The following PSCA variants were observed in gnomAD, a reference collection of about 807,000 sequenced individuals.
The protein encoded by PSCA is prostate stem cell antigen.
Under a neutral mutation model 7.9 loss-of-function variants are expected in PSCA, and 7 were observed. The observed-to-expected ratio is 0.89, with a 90% CI of 0.51 to 1.67. PSCA has a LOEUF of 1.67. PSCA is among the 40% of genes most tolerant of loss of function. PSCA has a pLI of 0.00. For missense variants in PSCA, 151 were observed against 147.9 expected (o/e 1.02, Z -0.11); for synonymous variants, 61 against 68.3 (o/e 0.89, Z 0.53).
upstream of PSCA, among the ~76,000 whole-genome samples, chr8:142,675,640 CACAG>C (rs1437824337): frequency 3.3e-5 from 5 of 152,242 alleles, no homozygotes; most frequent in African/African-American, 1.2e-4. Flanking sequence ...GATCCACATG[CACAG>C]ACAAGCATCC....
In PSCA at chr8:142,674,265, C is replaced by A. The variant is rs975633245; in HGVS notation, n.261+3697C>A. On this transcript the variant is annotated intron_variant and non_coding_transcript_variant, in intron 1 of 1. Coordinates refer to the PSCA transcript ENST00000505305. ...GTCTAACCTCAGCAGAGCTCAGATC[C>A]CCCATCTTCCTAATGAATAACGGCT... Among the ~76,000 whole-genome samples, 525 of 147,622 alleles carry A rather than the reference C, an allele frequency of 3.6e-3. 6 individuals are homozygous for A. The highest frequency in any genetic ancestry group is 0.013 in the African/African-American group (496 of 38,942).
At chr8:142,674,891 CTG>C (rs1554637696) in intron 1 of PSCA, among the ~76,000 whole-genome samples, 3 of 152,258 alleles carry the variant, frequency 2.0e-5, no homozygotes, top group Non-Finnish European at 4.4e-5. Flanking sequence ...CCTGTGCACT[CTG>C]AATACAGCTC....
rs1554638287 is a variant in PSCA, at chr8:142,681,344, T to C, written c.43T>C (p.Tyr15His). The change falls in exon 2 of 3, where the codon TAC becomes CAC. Residue 15 changes from tyrosine to histidine, a missense_variant. Physicochemically the swap from Tyr to His is moderately conservative, Grantham distance 83. Coordinates refer to ENST00000301258, the MANE Select transcript of PSCA (RefSeq NM_005672.5). ...ALQPGTALLCYSCKAQVSNED... is the reference protein window; with the variant it reads ...ALQPGTALLCHSCKAQVSNED... ...CCCCACAGGCACTGCCCTGCTGTGC[T>C]ACTCCTGCAAAGCCCAGGTGAGCAA... 1 of 1,568,820 alleles carries C rather than the reference T, an allele frequency of 6.4e-7. No homozygotes were observed. The highest frequency in any genetic ancestry group is 1.2e-5 in the South Asian group (1 of 85,122).
chr8:142,680,780 G>T, intron 1 of PSCA: 1 of 637,090 alleles, frequency 1.6e-6, no homozygotes, highest in Non-Finnish European at 2.7e-6. Context: ...GGGCTTGCAG[G>T]GGCAGCACGG....
intron 1 of PSCA, among the ~76,000 whole-genome samples, chr8:142,674,782 G>A (rs1211855650): frequency 2.6e-5 from 4 of 152,182 alleles, no homozygotes; most frequent in African/African-American, 9.7e-5. Flanking sequence ...GACCATGCCT[G>A]GGCCACTACA....
In PSCA at chr8:142,680,649, G is replaced by A. The variant is rs1328559300; in HGVS notation, c.25+86G>A. Reference sequence around the variant, plus strand: ...GGATACCTGCAGGGCACACGGAGAGGAGGGGAAGGAAGGAGGAAGGGAGAG... The same window carrying A: ...GGATACCTGCAGGGCACACGGAGAGAAGGGGAAGGAAGGAGGAAGGGAGAG... On this transcript the variant is annotated intron_variant, in intron 1 of 2. Transcript: ENST00000301258. The A allele has an allele frequency of 3.3e-6, 5 of 1,495,646 alleles. No homozygotes were observed. The Admixed American group carries it at 5.9e-5, about 18-fold the overall frequency. 92.6% of individuals were successfully genotyped at this position (1,495,646 alleles called of 1,614,324 possible).
intron 1 of PSCA, among the ~76,000 whole-genome samples, chr8:142,674,295 A>G (rs1361252391): frequency 7.1e-6 from 1 of 141,704 alleles, no homozygotes; most frequent in African/African-American, 2.8e-5. Context: ...ACGGCTGGGA[A>G]TCGTTTCAGT....
rs1847357896 is a variant in PSCA at position 142,673,375 on chromosome 8, A to T, written n.261+2807A>T. On this transcript the variant is annotated intron_variant and non_coding_transcript_variant, in intron 1 of 1. Transcript: ENST00000505305. The surrounding 1 kb of genome is among the most constrained non-coding windows in gnomAD (Gnocchi z 4.6). ...GGCTCCTCCAGGTGCTCCTACCATT[A>T]CTCACGGAACCTTGGGCCTCTTCTC... Among the ~76,000 whole-genome samples, 1 of 152,072 alleles carries T rather than the reference A, an allele frequency of 6.6e-6. No homozygotes were observed. The highest frequency in any genetic ancestry group is 1.5e-5 in the Non-Finnish European group (1 of 68,004).
At chr8:142,680,584 C>T (rs782351000) in intron 1 of PSCA, 21 bp downstream of exon 1, 6 of 1,553,654 alleles carry the variant, frequency 3.9e-6, no homozygotes, top group Middle Eastern at 3.4e-4. Context: ...GGCTGGCCCC[C>T]AGCAGGGAAG....
At chr8:142,676,879 T>C (rs1847406557), upstream of PSCA, among the ~76,000 whole-genome samples, 1 of 152,210 alleles carries the variant, frequency 6.6e-6, no homozygotes, top group Non-Finnish European at 1.5e-5. Flanking sequence ...CAGGAAGCCA[T>C]GCCCCTTGTG....
chr8:142,671,143 A>G (rs1554637336), intron 1 of PSCA, among the ~76,000 whole-genome samples: 1 of 152,174 alleles, frequency 6.6e-6, no homozygotes, highest in Admixed American at 6.5e-5. Context: ...TTCCATCTGG[A>G]TGCAGAGCCC....
chr8:142,680,406 G>T (rs1479013647), upstream of PSCA: 1 of 1,117,226 alleles, frequency 9.0e-7, no homozygotes, highest in African/African-American at 1.5e-5. Context: ...GGCCCTCACT[G>T]GCTCCAGGAA....
chr8:142,681,040 G>A, intron 1 of PSCA: 1 of 487,938 alleles, frequency 2.0e-6, no homozygotes, highest in Non-Finnish European at 3.7e-6. Context: ...CTCTGCTTGA[G>A]GTGGGACCCT....
At chr8:142,674,026 T>C (rs1847366675) in intron 1 of PSCA, among the ~76,000 whole-genome samples, 1 of 147,608 alleles carries the variant, frequency 6.8e-6, no homozygotes, top group African/African-American at 2.5e-5. Context: ...TCCTAATGAA[T>C]AACGGCTGGG....
chr8:142,673,741 C>T lies in PSCA; in HGVS notation n.261+3173C>T, dbSNP rs782294482. Among the ~76,000 whole-genome samples the T allele has an allele frequency of 1.1e-4, 16 of 152,186 alleles. No individual in the cohort carries two copies. Among genetic ancestry groups the T allele is most frequent in the South Asian group, 2.1e-4 (1 of 4,832 alleles). ...TTGCGTCCAGGTGGGGCCACAGGAC[C>T]GGCTGCGGGGTTGGTGGGCCTCGCT... is the stretch of plus-strand genomic sequence containing the variant. On this transcript the variant is annotated intron_variant and non_coding_transcript_variant, in intron 1 of 1. Coordinates refer to the PSCA transcript ENST00000505305. This position sits in a 1 kb window ranked among gnomAD's most constrained non-coding sequence, Gnocchi z 4.6.
At chr8:142,671,750 G>A (rs1554637374) in intron 1 of PSCA, among the ~76,000 whole-genome samples, 1 of 152,110 alleles carries the variant, frequency 6.6e-6, no homozygotes, top group African/African-American at 2.4e-5. Flanking sequence ...GTCTAGCTGT[G>A]TTGCCTAGGC....
At position 142,682,332 on chromosome 8, in the gene PSCA, G is replaced by T; in HGVS notation, c.*200G>T. On this transcript the variant is annotated 3_prime_UTR_variant, in exon 3 of 3. Transcript: ENST00000301258. ...CTCCAGGACTCCCACCCGGCAGATCGGCTCTATTGACACAGATCCGCCTGC... is the reference window on the plus strand; with the variant it reads ...CTCCAGGACTCCCACCCGGCAGATCTGCTCTATTGACACAGATCCGCCTGC... 1.4e-6 allele frequency: 1 copy of T among 727,698 alleles called. No individual in the cohort carries two copies. The highest frequency in any genetic ancestry group is 1.5e-5 in the South Asian group (1 of 67,220). 45.1% of individuals were successfully genotyped at this position (727,698 alleles called of 1,614,324 possible).
intron 1 of PSCA, chr8:142,680,967 G>A (rs1191784314): frequency 1.8e-5 from 8 of 448,868 alleles, no homozygotes; most frequent in Non-Finnish European, 2.9e-5. Flanking sequence ...GTCCTGCGAG[G>A]ACCCGGGGGT....
chr8:142,681,424 C>A lies in PSCA; in HGVS notation c.123C>A (p.Thr41=). The A allele has an allele frequency of 1.9e-6, 3 of 1,588,084 alleles. No homozygotes were observed. The highest frequency in any genetic ancestry group is 2.3e-5 in the East Asian group (1 of 43,490). ...CCCAGCTGGGGGAGCAGTGCTGGAC[C>A]GCGCGCATCCGTGAGTGGGGGGACG... The part of the protein sequence containing the change: ...NCTQLGEQCW[T]ARIRAVGLLT... The change falls in exon 2 of 3, where the codon ACC becomes ACA. Residue 41 remains threonine, a synonymous_variant. Transcript: ENST00000301258.
Sources: allele counts gnomAD v4.1 joint callset (sites outside exome capture counted in the v4.1 genomes callset), GRCh38; gene constraint gnomAD v4.1.1; non-coding constraint Gnocchi (gnomAD v3.1); transcripts MANE v1.5; gene names NCBI Gene and HGNC (gene_info 2026-07-23, HGNC 2026-07-21).